Variants in EXT1 observed in about 807,000 individuals in gnomAD.
EXT1 encodes the protein exostosin glycosyltransferase 1, also known as exostosin-1.
A neutral mutation model predicts 82.5 loss-of-function variants in EXT1; 20 were observed. The ratio of observed to expected loss-of-function variants is 0.24; its 90% confidence interval spans 0.17 to 0.35. The LOEUF (loss-of-function observed/expected upper bound fraction) is 0.35. Among genes scored for constraint, EXT1 ranks in the 10% least tolerant of loss-of-function variants. The probability of loss-of-function intolerance (pLI) is 1.00; values close to 1 mark genes in which losing one functional copy is unlikely to be tolerated. For missense variants in EXT1, 757 were observed against 936.5 expected (o/e 0.81, Z 2.50); for synonymous variants, 348 against 350.8 (o/e 0.99, Z 0.09).
At chr8:117,973,549 G>A (rs1287769845) in intron 1 of EXT1, among the ~76,000 whole-genome samples, 1 of 152,008 alleles carries the variant, frequency 6.6e-6, no homozygotes, top group South Asian at 2.1e-4. Context: ...TGGGAGGACT[G>A]CATGAGCCTA....
At chr8:117,916,109 A>G (rs1225006934) in intron 1 of EXT1, among the ~76,000 whole-genome samples, 1 of 152,174 alleles carries the variant, frequency 6.6e-6, no homozygotes, top group African/African-American at 2.4e-5. Context: ...GAATGATACT[A>G]TATCTTGACA....
chr8:117,830,183 T>C, intron 4 of EXT1, 47 bp downstream of exon 4: 4 of 1,612,304 alleles, frequency 2.5e-6, no homozygotes, highest in Non-Finnish European at 3.4e-6. Flanking sequence ...GAGAGAAGTG[T>C]ATAAAGGACC....
In EXT1 at chr8:117,961,930, C is replaced by T. The variant is rs562175106; in HGVS notation, c.963-124729G>A. Among the ~76,000 whole-genome samples the T allele has an allele frequency of 2.4e-3, 362 of 152,298 alleles. 3 individuals carry two copies. Among genetic ancestry groups the T allele is most frequent in the Non-Finnish European group, 4.3e-3 (290 of 68,024 alleles). On this transcript the variant is annotated intron_variant, in intron 1 of 10. Coordinates refer to ENST00000378204, the MANE Select transcript of EXT1 (RefSeq NM_000127.3). ...GCCAGCTCTCTGCCTGAACTATGAA[C>T]TCGCCACTTAGTGTCCTCCATAAGT...
intron 1 of EXT1, among the ~76,000 whole-genome samples, chr8:117,991,974 C>G (rs1001541447): frequency 6.6e-6 from 1 of 152,164 alleles, no homozygotes; most frequent in Admixed American, 6.5e-5. Flanking sequence ...GGTCAAAAAC[C>G]CAGCATGGCA....
rs369080578 is a variant in EXT1 at position 117,868,806 on chromosome 8, G to A, written c.963-31605C>T. Among the ~76,000 whole-genome samples the A allele has an allele frequency of 6.6e-5, 10 of 152,226 alleles. No individual in the cohort carries two copies. In the East Asian group the frequency reaches 1.4e-3, roughly 21 times the overall value. ...TATATATTCTTCCACACATCCTCAC[G>A]ACCAAGGGGTATGTTACTATGAAAA... On this transcript the variant is annotated intron_variant, in intron 1 of 10. Coordinates refer to ENST00000378204, the MANE Select transcript of EXT1 (RefSeq NM_000127.3).
chr8:118,109,376 G>T (rs1388039021), intron 1 of EXT1, among the ~76,000 whole-genome samples: 1 of 111,236 alleles, frequency 9.0e-6, no homozygotes, highest in African/African-American at 3.1e-5. Context: ...AAAAAAAAAA[G>T]TTTATCCTAG....
chr8:118,107,927 C>A (rs1486158186), intron 1 of EXT1, among the ~76,000 whole-genome samples: 1 of 152,126 alleles, frequency 6.6e-6, no homozygotes, highest in East Asian at 1.9e-4. Flanking sequence ...CTAAAGAGAT[C>A]CCTGCTTGGG....
intron 1 of EXT1, among the ~76,000 whole-genome samples, chr8:117,905,289 C>A (rs1423466023): frequency 1.3e-5 from 2 of 152,148 alleles, no homozygotes; most frequent in African/African-American, 2.4e-5. Context: ...AGAGTAACTT[C>A]CTTCAAGAGG....
At chr8:117,894,307 G>A (rs1480566608) in intron 1 of EXT1, among the ~76,000 whole-genome samples, 2 of 152,136 alleles carry the variant, frequency 1.3e-5, no homozygotes, top group African/African-American at 4.8e-5. Context: ...CTGAGTGGCT[G>A]AGATTACAGG....
chr8:117,895,570 G>T (rs773313381), intron 1 of EXT1, among the ~76,000 whole-genome samples: 2 of 152,202 alleles, frequency 1.3e-5, no homozygotes, highest in African/African-American at 2.4e-5. Flanking sequence ...CCAGGTCTGA[G>T]TGTTATACGA....
chr8:117,911,295 C>G (rs909665593), intron 1 of EXT1, among the ~76,000 whole-genome samples: 1 of 152,196 alleles, frequency 6.6e-6, no homozygotes, highest in Non-Finnish European at 1.5e-5. Flanking sequence ...GGCCTCCTGT[C>G]TCCTGGTATG....
intron 1 of EXT1, among the ~76,000 whole-genome samples, chr8:118,007,901 G>A (rs1445554276): frequency 6.6e-6 from 1 of 152,218 alleles, no homozygotes; most frequent in Non-Finnish European, 1.5e-5. Flanking sequence ...ATGATAGTGA[G>A]TATCTATGGT....
At chr8:117,805,744 G>A (rs1038342180) in intron 9 of EXT1, among the ~76,000 whole-genome samples, 1 of 152,184 alleles carries the variant, frequency 6.6e-6, no homozygotes, top group South Asian at 2.1e-4. Context: ...AGATTGGTGT[G>A]TTCACTAATG....
chr8:117,830,095 A>C, intron 4 of EXT1, 135 bp downstream of exon 4: 1 of 1,128,394 alleles, frequency 8.9e-7, no homozygotes, highest in Non-Finnish European at 1.3e-6. Flanking sequence ...AAAGAGGTTA[A>C]CCAATATATC....
intron 1 of EXT1, among the ~76,000 whole-genome samples, chr8:117,984,446 A>AAC (rs1374178489): frequency 4.0e-4 from 50 of 123,596 alleles, no homozygotes; most frequent in African/African-American, 1.5e-3. Flanking sequence ...AAACAAAACA[A>AAC]AACAAAAAAA....
At chr8:117,851,476 T>C (rs971528733) in intron 1 of EXT1, among the ~76,000 whole-genome samples, 3 of 151,078 alleles carry the variant, frequency 2.0e-5, no homozygotes, top group Non-Finnish European at 2.9e-5. Flanking sequence ...CTTAAATAAC[T>C]ACATGGGGGT....
chr8:117,817,638 A>G (rs1811845778), intron 7 of EXT1, among the ~76,000 whole-genome samples: 1 of 152,170 alleles, frequency 6.6e-6, no homozygotes, highest in Admixed American at 6.5e-5. Context: ...TGATGAGTTG[A>G]GGGGTGGTCA....
At chr8:118,037,680 A>G (rs1816448256) in intron 1 of EXT1, among the ~76,000 whole-genome samples, 1 of 152,174 alleles carries the variant, frequency 6.6e-6, no homozygotes, top group African/African-American at 2.4e-5. Context: ...AATCAAATAT[A>G]AAGTTCTCCA....
intron 1 of EXT1, among the ~76,000 whole-genome samples, chr8:117,866,970 G>C (rs1042003363): frequency 3.9e-5 from 6 of 152,208 alleles, no homozygotes; most frequent in African/African-American, 1.4e-4. Flanking sequence ...AAAAAAGAAA[G>C]CTTGAGGAGG....
Sources: allele counts gnomAD v4.1 joint callset (sites outside exome capture counted in the v4.1 genomes callset), GRCh38; gene constraint gnomAD v4.1.1; transcripts MANE v1.5; gene names NCBI Gene and HGNC (gene_info 2026-07-23, HGNC 2026-07-21).